Variants in CACNB2 observed in about 807,000 individuals in gnomAD.
CACNB2 encodes the protein calcium voltage-gated channel auxiliary subunit beta 2.
Under a neutral mutation model 73.3 loss-of-function variants are expected in CACNB2, and 42 were observed. The ratio of observed to expected loss-of-function variants is 0.57; its 90% CI spans 0.45 to 0.74. The LOEUF (loss-of-function observed/expected upper bound fraction) is 0.74, where lower values mean the gene tolerates loss of function less well. CACNB2 is among the 30% of genes least tolerant of loss of function. The pLI is 0.00. For missense variants in CACNB2, 940 were observed against 853.0 expected (o/e 1.10, Z -1.27); for synonymous variants, 348 against 310.3 (o/e 1.12, Z -1.28).
chr10:18,524,592 T>A (rs2052265251), intron 9 of CACNB2, among the ~76,000 whole-genome samples: 1 of 147,668 alleles, frequency 6.8e-6, no homozygotes, highest in Non-Finnish European at 1.5e-5. Flanking sequence ...GAGGCGGAGA[T>A]TGCAGTAAGC....
intron 2 of CACNB2, among the ~76,000 whole-genome samples, chr10:18,307,982 A>ATTTTTTTTTTTTTTT (rs1564423318): frequency 2.7e-4 from 14 of 52,668 alleles, no homozygotes; most frequent in South Asian, 5.3e-4. Flanking sequence ...ATATATGCCA[A>ATTTTTTTTTTTTTTT]CTTTTTTTTT....
At chr10:18,325,064 A>T in intron 2 of CACNB2, among the ~76,000 whole-genome samples, 1 of 152,246 alleles carries the variant, frequency 6.6e-6, no homozygotes, top group Non-Finnish European at 1.5e-5. Flanking sequence ...AATTTGGAAC[A>T]AGGGACACCA....
intron 2 of CACNB2, chr10:18,340,928 T>A: frequency 6.2e-7 from 1 of 1,614,188 alleles, no homozygotes; most frequent in Non-Finnish European, 8.5e-7. Context: ...TGGTCTAGCA[T>A]GCTTGACAGA....
At chr10:18,460,313 A>G (rs1466711095) in intron 3 of CACNB2, among the ~76,000 whole-genome samples, 4 of 151,850 alleles carry the variant, frequency 2.6e-5, no homozygotes, top group African/African-American at 9.7e-5. Context: ...GCACATTTAC[A>G]TTCTTTCTCT....
At chr10:18,192,119 C>A (rs1328561026) in intron 2 of CACNB2, among the ~76,000 whole-genome samples, 18 of 151,746 alleles carry the variant, frequency 1.2e-4, no homozygotes, top group African/African-American at 4.1e-4. Context: ...TGATCTCCAG[C>A]AAATGCAGAG....
intron 3 of CACNB2, among the ~76,000 whole-genome samples, chr10:18,441,282 G>C (rs1275654622): frequency 6.6e-6 from 1 of 152,170 alleles, no homozygotes; most frequent in African/African-American, 2.4e-5. Flanking sequence ...GCGCATGCCT[G>C]TAATCCCAGC....
At chr10:18,442,992 ATATATGTG>A (rs1420395882) in intron 3 of CACNB2, among the ~76,000 whole-genome samples, 2 of 16,388 alleles carry the variant, frequency 1.2e-4, no homozygotes, top group Non-Finnish European at 1.9e-4. Context: ...ATATGTATAT[ATATATGTG>A]TATATATATA....
At position 18,541,220 on chromosome 10, in the gene CACNB2, A is replaced by C. The variant is rs191419037; in HGVS notation, c.*1496A>C. 5.2e-5 allele frequency: 8 copies of C among 152,846 alleles called. No individual in the cohort carries two copies. The highest frequency in any genetic ancestry group is 1.9e-4 in the African/African-American group (8 of 41,574). The allele number at this position is 152,846 out of a possible 1,614,324, so 9.5% of individuals were successfully genotyped here. ...AGGTTCACTGTCTGTCAGAACCCAG[A>C]AGTGCTTCTTATAACCAAAGTTTCT... On this transcript the variant is annotated 3_prime_UTR_variant, in exon 14 of 14. Coordinates refer to ENST00000324631, the MANE Select transcript of CACNB2 (RefSeq NM_201596.3).
intron 2 of CACNB2, among the ~76,000 whole-genome samples, chr10:18,260,183 G>C (rs1272619921): frequency 6.6e-6 from 1 of 152,140 alleles, no homozygotes; most frequent in African/African-American, 2.4e-5. Flanking sequence ...TTTTAGGTGT[G>C]ACATTTACAT....
At chr10:18,328,025 G>C (rs1022034188) in intron 2 of CACNB2, among the ~76,000 whole-genome samples, 1 of 152,164 alleles carries the variant, frequency 6.6e-6, no homozygotes, top group African/African-American at 2.4e-5. Flanking sequence ...GGGGTAAGTG[G>C]TGAGCTTTTG....
chr10:18,176,534 G>A (rs2033600353), intron 2 of CACNB2, among the ~76,000 whole-genome samples: 1 of 151,934 alleles, frequency 6.6e-6, no homozygotes. Flanking sequence ...GGAGACCAGG[G>A]TAAGTGAAGC....
At chr10:18,402,156 C>T in intron 3 of CACNB2, 113 bp downstream of exon 3, 1 of 1,242,770 alleles carries the variant, frequency 8.0e-7, no homozygotes, top group Non-Finnish European at 1.2e-6. Context: ...ATTTCATTGT[C>T]TGGTTTTAGA....
intron 2 of CACNB2, among the ~76,000 whole-genome samples, chr10:18,198,455 G>T (rs575675439): frequency 6.6e-6 from 1 of 152,104 alleles, no homozygotes; most frequent in Non-Finnish European, 1.5e-5. Context: ...CCTAGTTGGT[G>T]CTACTTTTTT....
chr10:18,538,395 A>ATACTTTATATATATCTATATT, intron 13 of CACNB2, 30 bp downstream of exon 13: 1 of 1,599,908 alleles, frequency 6.3e-7, no homozygotes, highest in Non-Finnish European at 8.6e-7. Context: ...ATATCTATAT[A>ATACTTTATATATATCTATATT]TACAATCTTC....
chr10:18,215,388 A>G (rs989041162), intron 2 of CACNB2, among the ~76,000 whole-genome samples: 1 of 152,138 alleles, frequency 6.6e-6, no homozygotes, highest in Non-Finnish European at 1.5e-5. Context: ...AGCTCCAGCT[A>G]GGGCTGAACT....
intron 2 of CACNB2, among the ~76,000 whole-genome samples, chr10:18,353,410 CA>C (rs35014370): frequency 0.46 from 64,346 of 141,114 alleles, 14,190 homozygotes; most frequent in Admixed American, 0.5. Flanking sequence ...ACTCTGTCTC[CA>C]AAAAAAAAAA....
chr10:18,382,961 C>T (rs1316091408), intron 2 of CACNB2, among the ~76,000 whole-genome samples: 6 of 152,116 alleles, frequency 3.9e-5, no homozygotes, highest in Non-Finnish European at 8.8e-5. Flanking sequence ...TAATGAATTG[C>T]CACAAGCTTG....
At chr10:18,443,014 GTATATATA>G (rs71402168) in intron 3 of CACNB2, among the ~76,000 whole-genome samples, 3 of 16,538 alleles carry the variant, frequency 1.8e-4, no homozygotes, top group African/African-American at 1.0e-3. Context: ...ATATATATAT[GTATATATA>G]TATATATATA....
intron 6 of CACNB2, among the ~76,000 whole-genome samples, chr10:18,508,595 T>G (rs1201997861): frequency 6.6e-6 from 1 of 152,130 alleles, no homozygotes; most frequent in African/African-American, 2.4e-5. Flanking sequence ...ACCAGAAAAA[T>G]TCTTCCATTC....
Sources: allele counts gnomAD v4.1 joint callset (sites outside exome capture counted in the v4.1 genomes callset), GRCh38; gene constraint gnomAD v4.1.1; transcripts MANE v1.5; gene names NCBI Gene and HGNC (gene_info 2026-07-23, HGNC 2026-07-21).